Variants in PCDHGA4 observed in about 807,000 individuals in gnomAD.
PCDHGA4 encodes protocadherin gamma subfamily A, 4, also known as protocadherin gamma-A4.
A neutral mutation model predicts 54.6 loss-of-function variants in PCDHGA4; 38 were observed. The ratio of observed to expected loss-of-function variants is 0.70; its 90% CI spans 0.54 to 0.91. The LOEUF (loss-of-function observed/expected upper bound fraction) is 0.91, where lower values mean the gene tolerates loss of function less well. Ranked by LOEUF, PCDHGA4 falls within the 40% of genes least tolerant of loss-of-function variation. The pLI is 0.00. For missense variants in PCDHGA4, 1,298 were observed against 1,220.9 expected (o/e 1.06, Z -0.94); for synonymous variants, 511 against 512.9 (o/e 1.00, Z 0.05).
chr5:141,495,107 A>G (rs559621284), intron 2 of PCDHGA4, among the ~76,000 whole-genome samples: 1 of 152,166 alleles, frequency 6.6e-6, no homozygotes, highest in East Asian at 1.9e-4. Flanking sequence ...CACGACCGGC[A>G]CCTTTTCCTA....
chr5:141,374,826 G>A (rs768485677), intron 1 of PCDHGA4: 141 of 1,613,770 alleles, frequency 8.7e-5, no homozygotes, highest in Non-Finnish European at 1.1e-4. Context: ...CCTGTCTACC[G>A]TGTAAGTGTT....
chr5:141,405,339 A>T (rs980651625), intron 1 of PCDHGA4: 12 of 1,614,060 alleles, frequency 7.4e-6, no homozygotes, highest in Non-Finnish European at 1.0e-5. Context: ...GTCTCTGTTG[A>T]TTCCAAGTTT....
chr5:141,499,689 C>CTTTTT (rs545067566), intron 2 of PCDHGA4, among the ~76,000 whole-genome samples: 5 of 119,848 alleles, frequency 4.2e-5, no homozygotes, highest in Admixed American at 8.7e-5. Context: ...TAACAGATGA[C>CTTTTT]TTTTTTTTTT....
intron 1 of PCDHGA4, chr5:141,391,586 AAT>A (rs1412247634): frequency 6.6e-6 from 1 of 152,234 alleles, no homozygotes; most frequent in Non-Finnish European, 1.5e-5. Flanking sequence ...TTCACAGGAA[AAT>A]ATAAAGTTTT....
At chr5:141,449,198 A>C (rs2098631518) in intron 1 of PCDHGA4, among the ~76,000 whole-genome samples, 1 of 152,188 alleles carries the variant, frequency 6.6e-6, no homozygotes, top group Non-Finnish European at 1.5e-5. Context: ...AAGAAGTGTT[A>C]ATTCTAACTT....
At chr5:141,474,426 C>T (rs2099349464) in intron 1 of PCDHGA4, among the ~76,000 whole-genome samples, 1 of 152,198 alleles carries the variant, frequency 6.6e-6, no homozygotes, top group Non-Finnish European at 1.5e-5. Context: ...ACCATTGGTC[C>T]TCACACTTTG....
rs1554116833 is a variant in PCDHGA4, at chr5:141,423,756, G to GGT, written c.2514+66136_2514+66137insTG. 2.2e-4 allele frequency: 100 copies of GGT among 448,536 alleles called. 2 individuals carry two copies. The highest frequency in any genetic ancestry group is 2.1e-3 in the African/African-American group (74 of 35,668). The allele number at this position is 448,536 out of a possible 1,614,324, so 27.8% of individuals were successfully genotyped here. On this transcript the variant is annotated intron_variant, in intron 1 of 3. Coordinates refer to ENST00000571252, the MANE Select transcript of PCDHGA4 (RefSeq NM_018917.4). ...GCCTGTTATGAAAACTGTTTGGGGG[G>GGT]GGGGTGGGGCGGCATATATTTAGTT...
intron 1 of PCDHGA4, chr5:141,427,231 G>A (rs1561827383): frequency 2.2e-6 from 1 of 456,612 alleles, no homozygotes; most frequent in African/African-American, 2.0e-5. Flanking sequence ...TATACCATGA[G>A]AGTAGAAGCT....
chr5:141,362,184 C>A lies in PCDHGA4; in HGVS notation c.2514+4563C>A, dbSNP rs1252521454. 3.1e-6 allele frequency: 5 copies of A among 1,613,940 alleles called. No homozygotes were observed. The African/African-American group carries it at 6.7e-5, about 22-fold the overall frequency. The stretch of plus-strand genomic sequence containing the variant: ...TCAGCGACCGCCGGGAGCCCTCTGA[C>A]CCCCAGGCAAAACTGCAGTTTTACC... On this transcript the variant is annotated intron_variant, in intron 1 of 3. Coordinates refer to ENST00000571252, the MANE Select transcript of PCDHGA4 (RefSeq NM_018917.4).
At chr5:141,501,329 ACACAC>A (rs1562200854) in intron 2 of PCDHGA4, among the ~76,000 whole-genome samples, 2 of 148,226 alleles carry the variant, frequency 1.3e-5, no homozygotes, top group Non-Finnish European at 3.0e-5. Flanking sequence ...ACACACACAC[ACACAC>A]CCCAAACTCA....
At chr5:141,507,286 TC>T in intron 3 of PCDHGA4, 1 of 149,886 alleles carries the variant, frequency 6.7e-6, no homozygotes, top group East Asian at 1.9e-4. Context: ...TAAGTCAGTC[TC>T]AAATGTTGCA....
chr5:141,361,424 C>G, intron 1 of PCDHGA4: 1 of 1,614,030 alleles, frequency 6.2e-7, no homozygotes, highest in Non-Finnish European at 8.5e-7. Context: ...GGGGGCAAGC[C>G]GCCCCTCTCC....
At chr5:141,419,151 C>T (rs2096335413) in intron 1 of PCDHGA4, 2 of 1,613,800 alleles carry the variant, frequency 1.2e-6, no homozygotes, top group African/African-American at 2.7e-5. Context: ...GGCAAGCCTC[C>T]GTTATCCTCC....
rs182132552 is a variant in PCDHGA4 at position 141,435,146 on chromosome 5, T to A, written c.2515-59661T>A. Among the ~76,000 whole-genome samples the A allele has an allele frequency of 4.6e-3, 696 of 152,288 alleles. 5 individuals carry two copies. Among genetic ancestry groups the A allele is most frequent in the African/African-American group, 0.016 (677 of 41,554 alleles). ...ATGGAAAATATAAATAAAATTGTGA[T>A]AAACTTTTGTAAATAGAGTGGCTTT... On this transcript the variant is annotated intron_variant, in intron 1 of 3. Transcript: ENST00000571252.
intron 1 of PCDHGA4, chr5:141,392,586 C>A: frequency 2.1e-6 from 1 of 478,230 alleles, no homozygotes; most frequent in Non-Finnish European, 3.7e-6. Flanking sequence ...GTAAGCGCCG[C>A]TGTTCACCTA....
At chr5:141,428,021 C>A (rs1185050109) in intron 1 of PCDHGA4, 2 of 1,605,604 alleles carry the variant, frequency 1.2e-6, no homozygotes, top group Non-Finnish European at 1.7e-6. Flanking sequence ...TGCCACGCGC[C>A]GCAGAGTCCG....
chr5:141,447,481 A>G lies in PCDHGA4; in HGVS notation c.2515-47326A>G, dbSNP rs141192758. 3.9e-3 allele frequency among the ~76,000 whole-genome samples: 591 copies of G among 152,326 alleles called. 6 individuals carry two copies. The highest frequency in any genetic ancestry group is 0.011 in the Admixed American group (170 of 15,286). ...TTTTCTTCACCATCTGTAAAACTGC[A>G]TAGAAGGAATGTTTAGGATAAAAGA... On this transcript the variant is annotated intron_variant, in intron 1 of 3. Transcript: ENST00000571252.
intron 1 of PCDHGA4, among the ~76,000 whole-genome samples, chr5:141,446,149 G>T (rs2098490670): frequency 6.6e-6 from 1 of 152,178 alleles, no homozygotes; most frequent in Non-Finnish European, 1.5e-5. Context: ...GGAATAGGTG[G>T]AATATAAATT....
In PCDHGA4 at chr5:141,486,645, C is replaced by G. The variant is rs369948556; in HGVS notation, c.2515-8162C>G. ...GACTCTGGCTTGAATGCGCTTATCT[C>G]CTACTCACTCCTGGAGCCCAGGAAT... On this transcript the variant is annotated intron_variant, in intron 1 of 3. Coordinates refer to ENST00000571252, the MANE Select transcript of PCDHGA4 (RefSeq NM_018917.4). The surrounding 1 kb of genome is among the most constrained non-coding windows in gnomAD (Gnocchi z 5.0). 4.3e-6 allele frequency: 7 copies of G among 1,613,752 alleles called. No individual in the cohort carries two copies. The Admixed American group carries it at 6.7e-5, about 15-fold the overall frequency.
Sources: allele counts gnomAD v4.1 joint callset (sites outside exome capture counted in the v4.1 genomes callset), GRCh38; gene constraint gnomAD v4.1.1; non-coding constraint Gnocchi (gnomAD v3.1); transcripts MANE v1.5; gene names NCBI Gene and HGNC (gene_info 2026-07-23, HGNC 2026-07-21).